The following FGGY variants were observed in gnomAD, a reference collection of about 807,000 sequenced individuals.
FGGY encodes FGGY carbohydrate kinase domain-containing protein.
A neutral mutation model predicts 71.3 loss-of-function variants in FGGY; 72 were observed. That is an observed-to-expected ratio of 1.01 (90% CI 0.84 to 1.23). The LOEUF (loss-of-function observed/expected upper bound fraction) is 1.23. Ranked by LOEUF, FGGY falls within the 50% of genes most tolerant of loss-of-function variation. FGGY has a pLI of 0.00. For missense variants in FGGY, 668 were observed against 682.3 expected (o/e 0.98, Z 0.23); for synonymous variants, 251 against 250.3 (o/e 1.00, Z -0.02).
chr1:59,565,959 C>T (rs977290905), intron 8 of FGGY, among the ~76,000 whole-genome samples: 7 of 152,172 alleles, frequency 4.6e-5, no homozygotes, highest in South Asian at 2.1e-4. Flanking sequence ...TTCCCTGCTG[C>T]GCTGTGGTCA....
intron 7 of FGGY, among the ~76,000 whole-genome samples, chr1:59,553,029 AG>A (rs1339904220): frequency 2.0e-5 from 3 of 152,214 alleles, no homozygotes; most frequent in Non-Finnish European, 4.4e-5. Context: ...CTAGAGGGTC[AG>A]GGAAGCCCTA....
chr1:59,431,388 T>G (rs1163362699), intron 5 of FGGY, among the ~76,000 whole-genome samples: 1 of 152,190 alleles, frequency 6.6e-6, no homozygotes, highest in Non-Finnish European at 1.5e-5. Flanking sequence ...TGGTTCCCTT[T>G]ATTCTCTTTC....
intron 8 of FGGY, among the ~76,000 whole-genome samples, chr1:59,587,631 C>T (rs1042281107): frequency 1.5e-4 from 23 of 152,310 alleles, no homozygotes; most frequent in African/African-American, 2.2e-4. Flanking sequence ...GCTGCATTCG[C>T]GGTTCACGAT....
chr1:59,640,880 G>A (rs993764834), intron 11 of FGGY, among the ~76,000 whole-genome samples: 2 of 151,030 alleles, frequency 1.3e-5, no homozygotes, highest in South Asian at 4.2e-4. Flanking sequence ...TGTTACAGTT[G>A]TTGGGGGATA....
At chr1:59,329,831 C>T (rs768828928) in intron 2 of FGGY, among the ~76,000 whole-genome samples, 4 of 152,218 alleles carry the variant, frequency 2.6e-5, no homozygotes, top group Non-Finnish European at 5.9e-5. Context: ...TAAACATTCA[C>T]TTCCTCTTTT....
At position 59,419,354 on chromosome 1, in the gene FGGY, G is replaced by A. The variant is rs183581347; in HGVS notation, c.555-37607G>A. On this transcript the variant is annotated intron_variant, in intron 5 of 15. Coordinates refer to ENST00000303721, the MANE Select transcript of FGGY (RefSeq NM_018291.5). The stretch of plus-strand genomic sequence containing the variant: ...AAAATAAAGATCTGGTAATTATCTT[G>A]CTAATTGCATCAGTAGAGACATAGA... 3.9e-5 allele frequency among the ~76,000 whole-genome samples: 6 copies of A among 152,220 alleles called. No individual in the cohort carries two copies. The East Asian group carries it at 1.2e-3, about 29-fold the overall frequency.
At chr1:59,463,177 CT>C (rs1166399862) in intron 6 of FGGY, among the ~76,000 whole-genome samples, 1 of 152,126 alleles carries the variant, frequency 6.6e-6, no homozygotes, top group African/African-American at 2.4e-5. Context: ...AGTTCATGTC[CT>C]TTGTAGGGAC....
At chr1:59,454,598 A>G (rs1015058829) in intron 5 of FGGY, among the ~76,000 whole-genome samples, 1 of 152,164 alleles carries the variant, frequency 6.6e-6, no homozygotes, top group Admixed American at 6.5e-5. Flanking sequence ...TTTAAGCCTC[A>G]CTCAGTGCTA....
intron 8 of FGGY, among the ~76,000 whole-genome samples, chr1:59,573,151 G>A (rs1437254090): frequency 6.6e-6 from 1 of 152,140 alleles, no homozygotes; most frequent in Non-Finnish European, 1.5e-5. Flanking sequence ...GGAGACGAAA[G>A]AGACATGATA....
At chr1:59,733,653 T>G (rs913929974) in intron 14 of FGGY, among the ~76,000 whole-genome samples, 2 of 152,156 alleles carry the variant, frequency 1.3e-5, no homozygotes, top group African/African-American at 4.8e-5. Flanking sequence ...CTTGATTTCT[T>G]TCTTTGTTGC....
At chr1:59,559,291 T>C (rs900018425) in intron 8 of FGGY, among the ~76,000 whole-genome samples, 14 of 152,202 alleles carry the variant, frequency 9.2e-5, no homozygotes, top group Admixed American at 4.6e-4. Context: ...GCGTAAGAAA[T>C]TATAAAAGTA....
At chr1:59,504,622 A>G (rs924036918) in intron 6 of FGGY, among the ~76,000 whole-genome samples, 1 of 152,214 alleles carries the variant, frequency 6.6e-6, no homozygotes, top group Non-Finnish European at 1.5e-5. Context: ...AGACCAGAGG[A>G]AAAACATGAT....
chr1:59,618,918 G>T (rs1268347212), intron 9 of FGGY, among the ~76,000 whole-genome samples: 2 of 151,954 alleles, frequency 1.3e-5, no homozygotes, highest in Non-Finnish European at 2.9e-5. Flanking sequence ...TTACTTCATG[G>T]ATACAAGGAC....
At chr1:59,477,705 C>T (rs569137524) in intron 6 of FGGY, among the ~76,000 whole-genome samples, 19 of 152,150 alleles carry the variant, frequency 1.2e-4, no homozygotes, top group African/African-American at 4.6e-4. Flanking sequence ...TGTAATTTTC[C>T]CCCCACTGCC....
intron 4 of FGGY, among the ~76,000 whole-genome samples, chr1:59,356,909 G>C (rs1189063710): frequency 6.6e-6 from 1 of 152,150 alleles, no homozygotes; most frequent in Admixed American, 6.5e-5. Flanking sequence ...TTGGACTCCT[G>C]TGATGGATAC....
intron 6 of FGGY, among the ~76,000 whole-genome samples, chr1:59,483,516 A>G (rs1276618837): frequency 6.6e-6 from 1 of 152,216 alleles, no homozygotes; most frequent in Non-Finnish European, 1.5e-5. Context: ...AACTTTTCCT[A>G]AACAGGACTA....
intron 4 of FGGY, among the ~76,000 whole-genome samples, chr1:59,346,665 G>A (rs1443338138): frequency 6.6e-6 from 1 of 152,100 alleles, no homozygotes; most frequent in Non-Finnish European, 1.5e-5. Context: ...TGTGTGTGGT[G>A]TTTATTTTAG....
chr1:59,753,472 ATATAT>A (rs2098263866), intron 14 of FGGY, among the ~76,000 whole-genome samples: 1 of 42,254 alleles, frequency 2.4e-5, no homozygotes, highest in African/African-American at 9.0e-5. Context: ...CTTTAAATAT[ATATAT>A]ATATATATAT....
chr1:59,526,281 A>G (rs907430022), intron 7 of FGGY, among the ~76,000 whole-genome samples: 6 of 152,236 alleles, frequency 3.9e-5, no homozygotes, highest in African/African-American at 1.4e-4. Context: ...AGGTCAGGAA[A>G]GTTCAGTCTA....
Sources: allele counts gnomAD v4.1 joint callset (sites outside exome capture counted in the v4.1 genomes callset), GRCh38; gene constraint gnomAD v4.1.1; transcripts MANE v1.5; gene names NCBI Gene and HGNC (gene_info 2026-07-23, HGNC 2026-07-21).